CSPP1: variants seen among roughly 807,000 people sequenced by gnomAD.
CSPP1 encodes the protein centrosome and spindle pole-associated protein 1.
Under a neutral mutation model 164.4 loss-of-function variants are expected in CSPP1, and 126 were observed. That is an observed-to-expected ratio of 0.77 (90% CI 0.66 to 0.89). The LOEUF (loss-of-function observed/expected upper bound fraction) is 0.89. CSPP1 is among the 40% of genes least tolerant of loss of function. The pLI is 0.00. For synonymous variants in CSPP1, 472 were observed against 476.7 expected (o/e 0.99, Z 0.13); for missense variants, 1,395 against 1,449.8 (o/e 0.96, Z 0.61).
At chr8:67,114,688 A>G (rs1817572861) in intron 12 of CSPP1, 1 of 152,230 alleles carries the variant, frequency 6.6e-6, no homozygotes, top group Non-Finnish European at 1.5e-5. Context: ...TAGGAAAAAA[A>G]GAAGATAAAT....
chr8:67,107,010 ATTTAT>A (rs1563572242), intron 9 of CSPP1, among the ~76,000 whole-genome samples: 1 of 148,648 alleles, frequency 6.7e-6, no homozygotes, highest in African/African-American at 2.5e-5. Context: ...GTTTTTATTT[ATTTAT>A]TTTATTTTAA....
At chr8:67,067,562 C>T (rs1405062697) in intron 1 of CSPP1, among the ~76,000 whole-genome samples, 1 of 152,156 alleles carries the variant, frequency 6.6e-6, no homozygotes. Context: ...CTCCCAGGTT[C>T]ACTCCATTCT....
At chr8:67,075,494 A>G (rs189963357) in intron 2 of CSPP1, among the ~76,000 whole-genome samples, 6 of 152,316 alleles carry the variant, frequency 3.9e-5, no homozygotes, top group Admixed American at 3.9e-4. Context: ...TGGACAAGGC[A>G]TATTCTTAAG....
Position 67,115,827 on chromosome 8 carries a change from C to T in CSPP1, c.1288-87C>T, listed in dbSNP as rs531204621. 1.3e-5 allele frequency: 11 copies of T among 874,822 alleles called. No homozygotes were observed. The East Asian group carries it at 2.8e-4, about 22-fold the overall frequency. The allele number at this position is 874,822 out of a possible 1,614,324, so 54.2% of individuals were successfully genotyped here. On this transcript the variant is annotated intron_variant, in intron 12 of 30. Transcript: ENST00000678616. ...GTTATTCTGTGACTGTCTTAAGTGCCTGCTGGGATAGGAGGTCTTTTGAGG... is the reference window on the plus strand; with the variant it reads ...GTTATTCTGTGACTGTCTTAAGTGCTTGCTGGGATAGGAGGTCTTTTGAGG...
intron 17 of CSPP1, among the ~76,000 whole-genome samples, chr8:67,142,915 C>T (rs1045756052): frequency 5.3e-5 from 8 of 152,098 alleles, no homozygotes. Flanking sequence ...GAAATTAAGA[C>T]CTAAAAGAGT....
At chr8:67,124,545 G>A (rs1414167659) in intron 15 of CSPP1, among the ~76,000 whole-genome samples, 1 of 152,076 alleles carries the variant, frequency 6.6e-6, no homozygotes, top group Non-Finnish European at 1.5e-5. Context: ...CTGTTGCACA[G>A]GTTGGAGTGC....
At chr8:67,069,298 T>G (rs1199920956) in intron 1 of CSPP1, 4 of 152,202 alleles carry the variant, frequency 2.6e-5, no homozygotes, top group Admixed American at 6.5e-5. Context: ...AGGAAAAATT[T>G]AGAAATGATT....
At chr8:67,071,403 TTC>T (rs1296294532) in intron 1 of CSPP1, among the ~76,000 whole-genome samples, 1 of 151,972 alleles carries the variant, frequency 6.6e-6, no homozygotes, top group Admixed American at 6.6e-5. Flanking sequence ...GCTTCAATTC[TTC>T]TGTCACTCCC....
intron 4 of CSPP1, chr8:67,086,874 T>A: frequency 7.7e-7 from 1 of 1,297,702 alleles, no homozygotes; most frequent in Non-Finnish European, 1.0e-6. Context: ...ACGTCCTCCT[T>A]CAGTTTTTTC....
chr8:67,088,632 G>T (rs62513083), intron 4 of CSPP1, among the ~76,000 whole-genome samples: 4 of 149,670 alleles, frequency 2.7e-5, no homozygotes, highest in African/African-American at 9.8e-5. Context: ...GGGCACGGCT[G>T]ACGCCTGTAA....
chr8:67,128,912 C>T (rs1300681557), intron 15 of CSPP1, among the ~76,000 whole-genome samples: 3 of 152,122 alleles, frequency 2.0e-5, no homozygotes, highest in Non-Finnish European at 1.5e-5. Context: ...TACTTCTATT[C>T]CTTGTCCGTT....
In CSPP1 at chr8:67,123,422, G is replaced by A. The variant is rs368116057; in HGVS notation, c.1697+4601G>A. Among the ~76,000 whole-genome samples the A allele has an allele frequency of 3.3e-4, 50 of 152,074 alleles. No homozygotes were observed. The South Asian group carries it at 3.3e-3, about 10-fold the overall frequency. On this transcript the variant is annotated intron_variant, in intron 15 of 30. Transcript: ENST00000678616. ...GCTGTTCTGGTTCTCTTTTAGTACT[G>A]TTTGCATGGTGTATGATTTTTCGTA...
chr8:67,078,302 A>G (rs1372067280), intron 3 of CSPP1, among the ~76,000 whole-genome samples: 1 of 152,100 alleles, frequency 6.6e-6, no homozygotes, highest in Non-Finnish European at 1.5e-5. Flanking sequence ...GATGGCTGGC[A>G]CGTAATTGGT....
intron 13 of CSPP1, among the ~76,000 whole-genome samples, chr8:67,117,186 G>A (rs1818108131): frequency 6.6e-6 from 1 of 152,068 alleles, no homozygotes; most frequent in Non-Finnish European, 1.5e-5. Flanking sequence ...TATGAAATTC[G>A]ATTTAATGAT....
At position 67,086,110 on chromosome 8, in the gene CSPP1, G is replaced by T; in HGVS notation, c.303G>T (p.Gln101His). 1 of 1,264,152 alleles carries T rather than the reference G, an allele frequency of 7.9e-7. No individual in the cohort carries two copies. The highest frequency in any genetic ancestry group is 1.2e-6 in the Non-Finnish European group (1 of 860,646). 78.3% of individuals were successfully genotyped at this position (1,264,152 alleles called of 1,614,324 possible). A position where few individuals can be genotyped will look rare whatever the true frequency, so the allele number is the denominator to read the frequency against. The change falls in exon 4 of 31, where the codon CAG becomes CAT. Residue 101 changes from glutamine to histidine, a missense_variant and splice_region_variant. Physicochemically the swap from Gln to His is conservative, Grantham distance 24 (BLOSUM62 0). Transcript: ENST00000678616. ...LRQDYRRYLT[Q>H]KNFLSTSETD... ...AAGATTACAGACGTTATCTTACTCA[G>T]GTAATGAGTTCTATTAATGAGTTGG...
chr8:67,194,206 C>T (rs141956902), intron 30 of CSPP1, among the ~76,000 whole-genome samples: 23 of 152,224 alleles, frequency 1.5e-4, no homozygotes, highest in African/African-American at 4.6e-4. Flanking sequence ...TATTAGTCAC[C>T]GGGATAATGG....
intron 17 of CSPP1, among the ~76,000 whole-genome samples, chr8:67,139,906 A>T (rs1823151552): frequency 6.6e-6 from 1 of 152,168 alleles, no homozygotes; most frequent in South Asian, 2.1e-4. Flanking sequence ...TGATGAGTTA[A>T]TGGGTGCAGC....
At chr8:67,163,406 G>A (rs1828744545) in intron 22 of CSPP1, among the ~76,000 whole-genome samples, 1 of 152,062 alleles carries the variant, frequency 6.6e-6, no homozygotes, top group African/African-American at 2.4e-5. Flanking sequence ...TTGGAGAGAG[G>A]AAGTTGGAAA....
chr8:67,138,246 A>G (rs1276658382), intron 17 of CSPP1, among the ~76,000 whole-genome samples: 2 of 152,196 alleles, frequency 1.3e-5, no homozygotes, highest in African/African-American at 4.8e-5. Flanking sequence ...TGGTTCCATG[A>G]TCTCCTGTGA....
Sources: allele counts gnomAD v4.1 joint callset (sites outside exome capture counted in the v4.1 genomes callset), GRCh38; gene constraint gnomAD v4.1.1; transcripts MANE v1.5; gene names NCBI Gene and HGNC (gene_info 2026-07-23, HGNC 2026-07-21).